KIF5C: variants seen among roughly 807,000 people sequenced by gnomAD.
The protein encoded by KIF5C is kinesin family member 5C.
KIF5C carries 18 observed loss-of-function variants against 125.2 expected under a neutral mutation model. The ratio of observed to expected loss-of-function variants is 0.14; its 90% confidence interval spans 0.10 to 0.21. The LOEUF is 0.21. Ranked by LOEUF, KIF5C falls within the 10% of genes least tolerant of loss-of-function variation. The probability of loss-of-function intolerance (pLI) is 1.00; values close to 1 mark genes in which losing one functional copy is unlikely to be tolerated. For synonymous variants in KIF5C, 405 were observed against 434.0 expected, an observed-to-expected ratio of 0.93 and a Z score of 0.83; for missense variants, 780 against 1,183.8, an observed-to-expected ratio of 0.66 and a Z score of 5.01.
At position 148,876,528 on chromosome 2, in the gene KIF5C, G is replaced by GCAGTAGC. The variant is rs1421644921; in HGVS notation, c.126+787_126+793dup. Among the ~76,000 whole-genome samples the GCAGTAGC allele has an allele frequency of 6.6e-6, 1 of 152,202 alleles. No individual in the cohort carries two copies. Among genetic ancestry groups the GCAGTAGC allele is most frequent in the Non-Finnish European group, 1.5e-5 (1 of 68,034 alleles). ...TCTGTGGGGCGAGGGGGCTCAGAGCGCAGTAGCCCCCTGTGCCAAGAGCAG... is the reference window on the plus strand; with the variant it reads ...TCTGTGGGGCGAGGGGGCTCAGAGCGCAGTAGCCAGTAGCCCCCTGTGCCAAGAGCAG... On this transcript the variant is annotated intron_variant, in intron 1 of 25. Coordinates refer to ENST00000435030, the MANE Select transcript of KIF5C (RefSeq NM_004522.3). The surrounding 1 kb of genome is among the most constrained non-coding windows in gnomAD (Gnocchi z 4.7).
At chr2:148,989,361 C>CAA (rs1681464594) in intron 15 of KIF5C, among the ~76,000 whole-genome samples, 1 of 151,900 alleles carries the variant, frequency 6.6e-6, no homozygotes, top group African/African-American at 2.4e-5. Context: ...CACACACACA[C>CAA]ACACACACCA....
At chr2:148,990,930 T>C in intron 15 of KIF5C, 80 bp from the exon 16 acceptor site, 1 of 1,493,788 alleles carries the variant, frequency 6.7e-7, no homozygotes, top group Non-Finnish European at 9.0e-7. Flanking sequence ...ACCTTGGGGA[T>C]CCAGGGGCAG....
At chr2:148,896,940 C>A in intron 1 of KIF5C, among the ~76,000 whole-genome samples, 1 of 152,136 alleles carries the variant, frequency 6.6e-6, no homozygotes, top group South Asian at 2.1e-4. Flanking sequence ...TCAGGCGATT[C>A]TCCTGCCTCA....
chr2:149,011,721 G>A (rs746069333), intron 25 of KIF5C, 38 bp downstream of exon 25: 1 of 1,612,906 alleles, frequency 6.2e-7, no homozygotes, highest in Non-Finnish European at 8.5e-7. Flanking sequence ...CTATCTGGAG[G>A]CAGAGGCTTC....
At chr2:148,895,142 C>T (rs1400206287) in intron 1 of KIF5C, among the ~76,000 whole-genome samples, 2 of 151,914 alleles carry the variant, frequency 1.3e-5, no homozygotes, top group East Asian at 3.9e-4. Context: ...GCAAGCACTC[C>T]CTGGAATTTT....
intron 1 of KIF5C, among the ~76,000 whole-genome samples, chr2:148,914,896 A>G (rs1174093885): frequency 6.6e-6 from 1 of 152,176 alleles, no homozygotes; most frequent in Non-Finnish European, 1.5e-5. Flanking sequence ...CTGACTGGAG[A>G]TATCAGCATG....
chr2:148,965,179 T>C (rs1277354451), intron 11 of KIF5C, among the ~76,000 whole-genome samples: 1 of 152,020 alleles, frequency 6.6e-6, no homozygotes, highest in East Asian at 1.9e-4. Flanking sequence ...CCGTGGAACA[T>C]CCAGGGGAAC....
rs188761452 is a variant in KIF5C, at chr2:148,981,207, G to A, written c.1363-148G>A. On this transcript the variant is annotated intron_variant, in intron 13 of 25. Transcript: ENST00000435030. ...TTTTCTTTTATTTTTTTATCGTCTG[G>A]ACCATACAGTGGGGTTTCCCATCAT... is the stretch of plus-strand genomic sequence containing the variant. 70 of 1,170,442 alleles carry A rather than the reference G, an allele frequency of 6.0e-5. No homozygotes were observed. In the East Asian group the frequency reaches 1.7e-3, roughly 29 times the overall value. 72.5% of individuals were successfully genotyped at this position (1,170,442 alleles called of 1,614,324 possible).
intron 10 of KIF5C, 38 bp downstream of exon 10, chr2:148,950,500 G>T (rs752442647): frequency 1.0e-5 from 16 of 1,594,754 alleles, no homozygotes; most frequent in Non-Finnish European, 1.3e-5. Context: ...TCTGTGCTAG[G>T]TCTTGGGTCT....
intron 25 of KIF5C, among the ~76,000 whole-genome samples, chr2:149,015,554 A>G (rs988145431): frequency 6.6e-6 from 1 of 152,212 alleles, no homozygotes; most frequent in African/African-American, 2.4e-5. Flanking sequence ...GGGTTCAAGA[A>G]TTATAGCCAT....
At chr2:148,996,117 T>G (rs998182552) in intron 17 of KIF5C, among the ~76,000 whole-genome samples, 9 of 152,112 alleles carry the variant, frequency 5.9e-5, no homozygotes, top group African/African-American at 1.9e-4. Flanking sequence ...ATCGTGGCAC[T>G]GCACTCCAGC....
At chr2:148,934,196 A>G (rs1254659525) in intron 3 of KIF5C, among the ~76,000 whole-genome samples, 1 of 151,176 alleles carries the variant, frequency 6.6e-6, no homozygotes, top group African/African-American at 2.4e-5. Context: ...CACACCACAC[A>G]TCACATACCA....
At chr2:148,895,807 C>T (rs1193820026) in intron 1 of KIF5C, among the ~76,000 whole-genome samples, 1 of 151,780 alleles carries the variant, frequency 6.6e-6, no homozygotes, top group East Asian at 1.9e-4. Context: ...TAGCCACCTT[C>T]TCACCGTGCA....
intron 2 of KIF5C, 53 bp downstream of exon 2, chr2:148,922,280 T>C: frequency 8.3e-7 from 1 of 1,209,392 alleles, no homozygotes; most frequent in Non-Finnish European, 1.2e-6. Flanking sequence ...ATTGAAAGCA[T>C]TAAGTGATAT....
chr2:148,984,792 A>G (rs1681332682), intron 15 of KIF5C, among the ~76,000 whole-genome samples: 1 of 151,720 alleles, frequency 6.6e-6, no homozygotes, highest in Non-Finnish European at 1.5e-5. Flanking sequence ...TTGTTTATTT[A>G]TTTATTTATT....
rs6435220 is a variant in KIF5C at position 149,005,165 on chromosome 2, G to A, written c.2374-228G>A. On this transcript the variant is annotated intron_variant, in intron 21 of 25. Transcript: ENST00000435030. ...TGAGCAGATGGGCAGGCTTTGTTCT[G>A]GTTTACAATTTGTGGTCTGGGTTCT... Among the ~76,000 whole-genome samples, 103,864 of 152,016 alleles carry A rather than the reference G, an allele frequency of 0.68. 36,173 individuals carry two copies. The highest frequency in any genetic ancestry group is 0.8 in the African/African-American group (32,995 of 41,456).
intron 10 of KIF5C, among the ~76,000 whole-genome samples, chr2:148,956,512 T>C (rs961650229): frequency 5.9e-5 from 9 of 152,156 alleles, no homozygotes; most frequent in Admixed American, 4.6e-4. Flanking sequence ...AAAAATTTGG[T>C]CCTGGTTCCC....
rs189593132 is a variant in KIF5C, at chr2:148,972,492, A to G, written c.1118-844A>G. Reference sequence around the variant, plus strand: ...TCTTAGAATCCTTTTTATGCACTTTATGTCTTTGATGTTCTTGTTGGAGAT... The same window carrying G: ...TCTTAGAATCCTTTTTATGCACTTTGTGTCTTTGATGTTCTTGTTGGAGAT... On this transcript the variant is annotated intron_variant, in intron 11 of 25. Coordinates refer to ENST00000435030, the MANE Select transcript of KIF5C (RefSeq NM_004522.3). Among the ~76,000 whole-genome samples, 14 of 152,218 alleles carry G rather than the reference A, an allele frequency of 9.2e-5. No homozygotes were observed. In the East Asian group the frequency reaches 2.7e-3, roughly 29 times the overall value.
At chr2:148,934,913 C>T in intron 3 of KIF5C, 3 of 236,584 alleles carry the variant, frequency 1.3e-5, no homozygotes, top group South Asian at 1.2e-4. Context: ...CACACGTGCA[C>T]ACTCCACATG....
Sources: gnomAD v4.1 joint callset for allele counts (sites outside exome capture counted in the v4.1 genomes callset) on GRCh38, gnomAD v4.1.1 for gene constraint, Gnocchi (gnomAD v3.1) non-coding constraint, MANE v1.5 for transcripts, NCBI Gene and HGNC (gene_info 2026-07-23, HGNC 2026-07-21) for gene names.